PTPRD: variants seen among roughly 807,000 people sequenced by gnomAD.
PTPRD encodes protein tyrosine phosphatase receptor type D, also known as receptor-type tyrosine-protein phosphatase delta.
PTPRD carries 34 observed loss-of-function variants against 214.5 expected under a neutral mutation model. The ratio of observed to expected loss-of-function variants is 0.16; its 90% CI spans 0.12 to 0.21. PTPRD has a LOEUF of 0.21. Among genes scored for constraint, PTPRD ranks in the 10% least tolerant of loss-of-function variants. The probability of loss-of-function intolerance (pLI) is 1.00; values close to 1 mark genes in which losing one functional copy is unlikely to be tolerated. For synonymous variants in PTPRD, 1,128 were observed against 845.7 expected, an observed-to-expected ratio of 1.33 and a Z score of -5.79; for missense variants, 2,545 against 2,398.7, an observed-to-expected ratio of 1.06 and a Z score of -1.27.
intron 3 of PTPRD, among the ~76,000 whole-genome samples, chr9:10,054,327 A>T (rs1298016825): frequency 6.6e-6 from 1 of 152,202 alleles, no homozygotes; most frequent in Non-Finnish European, 1.5e-5. Context: ...TGCGTCTCTC[A>T]TTCATGAGGA....
intron 7 of PTPRD, among the ~76,000 whole-genome samples, chr9:9,723,337 C>T (rs1247107957): frequency 1.3e-5 from 2 of 152,064 alleles, no homozygotes; most frequent in Non-Finnish European, 2.9e-5. Flanking sequence ...AAACTTATGG[C>T]TTTATTTCTG....
Position 10,457,035 on chromosome 9 carries a change from T to A in PTPRD, c.-599-116018A>T, listed in dbSNP as rs370932060. ...TCCAATTTCTTGAGACTCTGTTAAA[T>A]GTCAGAAAAAATATTGTATATTATA... is the stretch of plus-strand genomic sequence containing the variant. On this transcript the variant is annotated intron_variant, in intron 2 of 45. Transcript: ENST00000381196. 4.4e-4 allele frequency among the ~76,000 whole-genome samples: 67 copies of A among 152,040 alleles called. No homozygotes were observed. The East Asian group carries it at 0.011, about 25-fold the overall frequency.
At chr9:9,565,728 T>C (rs2084313332) in intron 8 of PTPRD, among the ~76,000 whole-genome samples, 1 of 152,006 alleles carries the variant, frequency 6.6e-6, no homozygotes, top group Non-Finnish European at 1.5e-5. Context: ...TATTATTCAT[T>C]TTTTGTGCAT....
chr9:10,271,534 C>CTTTT lies in PTPRD; in HGVS notation c.-545+69425_-545+69428dup, dbSNP rs1251429330. On this transcript the variant is annotated intron_variant, in intron 3 of 45. Transcript: ENST00000381196. ...CCAATACTGATAAATTCAATTGTTT[C>CTTTT]TTTTCTTTTCTTTTCTTTTTTTTTT... 1.5e-4 allele frequency among the ~76,000 whole-genome samples: 13 copies of CTTTT among 86,570 alleles called. 1 individual carries two copies. Among genetic ancestry groups the CTTTT allele is most frequent in the African/African-American group, 2.8e-4 (9 of 32,436 alleles). The allele number at this position is 86,570 out of a possible 152,430, so 56.8% of individuals were successfully genotyped here. A position where few individuals can be genotyped will look rare whatever the true frequency, so the allele number is the denominator to read the frequency against.
At chr9:9,907,901 G>A (rs149923058) in intron 5 of PTPRD, among the ~76,000 whole-genome samples, 2,371 of 152,026 alleles carry the variant, frequency 0.016, 27 homozygotes, top group Non-Finnish European at 0.026. Context: ...TTACTATGAA[G>A]CTTAATGGAA....
rs1468088714 is a variant in PTPRD, at chr9:10,305,946, T to G, written c.-545+35017A>C. On this transcript the variant is annotated intron_variant, in intron 3 of 45. Transcript: ENST00000381196. ...GGTATATACCCAAAGGATTATAAATTATTCTACTATAAAGACATATACACA... is the reference window on the plus strand; with the variant it reads ...GGTATATACCCAAAGGATTATAAATGATTCTACTATAAAGACATATACACA... 3.3e-5 allele frequency among the ~76,000 whole-genome samples: 5 copies of G among 152,044 alleles called. No individual in the cohort carries two copies. The South Asian group carries it at 6.2e-4, about 19-fold the overall frequency.
chr9:8,369,578 G>C (rs763263729), intron 39 of PTPRD, among the ~76,000 whole-genome samples: 2 of 151,354 alleles, frequency 1.3e-5, no homozygotes, highest in Non-Finnish European at 3.0e-5. Flanking sequence ...CTATGATTGT[G>C]ATAGATTTAA....
intron 11 of PTPRD, among the ~76,000 whole-genome samples, chr9:8,815,186 G>C (rs10815956): frequency 6.6e-6 from 1 of 151,686 alleles, no homozygotes; most frequent in Non-Finnish European, 1.5e-5. Flanking sequence ...AAGATATAGA[G>C]TAGAAGCAGG....
intron 10 of PTPRD, among the ~76,000 whole-genome samples, chr9:9,089,561 C>G (rs984308948): frequency 6.6e-6 from 1 of 152,172 alleles, no homozygotes. Context: ...CAAGGGCCTA[C>G]AAATTGATTC....
intron 10 of PTPRD, among the ~76,000 whole-genome samples, chr9:9,048,997 TA>T (rs1169950112): frequency 1.3e-5 from 2 of 152,060 alleles, no homozygotes; most frequent in East Asian, 3.9e-4. Context: ...TATACAAAAA[TA>T]AAAATAAATA....
intron 9 of PTPRD, among the ~76,000 whole-genome samples, chr9:9,351,730 T>C (rs2051235437): frequency 6.6e-6 from 1 of 152,062 alleles, no homozygotes; most frequent in Admixed American, 6.6e-5. Context: ...TATTCTCTAG[T>C]GTATGTCTGT....
At position 10,497,920 on chromosome 9, in the gene PTPRD, T is replaced by C. The variant is rs941643773; in HGVS notation, c.-600+114478A>G. 1.1e-4 allele frequency among the ~76,000 whole-genome samples: 16 copies of C among 152,176 alleles called. 1 individual carries two copies. Among genetic ancestry groups the C allele is most frequent in the Non-Finnish European group, 1.8e-4 (12 of 67,948 alleles). ...GTGATAGGAGAACTTTTATGTACCA[T>C]ACACTGGATTGCTTATCTAGTCTGT... On this transcript the variant is annotated intron_variant, in intron 2 of 45. Coordinates refer to ENST00000381196, the MANE Select transcript of PTPRD (RefSeq NM_002839.4).
chr9:9,223,891 T>C (rs1337957183), intron 9 of PTPRD, among the ~76,000 whole-genome samples: 1 of 152,056 alleles, frequency 6.6e-6, no homozygotes, highest in African/African-American at 2.4e-5. Flanking sequence ...TCCTTTTTCC[T>C]ATACACCTGG....
intron 3 of PTPRD, among the ~76,000 whole-genome samples, chr9:10,281,121 T>C (rs978412093): frequency 2.0e-5 from 3 of 151,998 alleles, no homozygotes; most frequent in Admixed American, 6.6e-5. Flanking sequence ...AACAGCAATC[T>C]CTCCTTACAC....
At chr9:10,556,083 C>G (rs2062518335) in intron 2 of PTPRD, among the ~76,000 whole-genome samples, 1 of 151,998 alleles carries the variant, frequency 6.6e-6, no homozygotes, top group Non-Finnish European at 1.5e-5. Flanking sequence ...GTTTTTTATA[C>G]TTCTGAGGCC....
intron 4 of PTPRD, among the ~76,000 whole-genome samples, chr9:9,952,057 G>C (rs557591708): frequency 1.4e-4 from 22 of 152,220 alleles, no homozygotes; most frequent in African/African-American, 4.8e-4. Flanking sequence ...TATTGAGGAG[G>C]GACAGAGGCT....
In PTPRD at chr9:10,131,771, C is replaced by G. The variant is rs142464725; in HGVS notation, c.-544-97981G>C. Among the ~76,000 whole-genome samples, 204 of 152,172 alleles carry G rather than the reference C, an allele frequency of 1.3e-3. 3 individuals are homozygous for G. In the East Asian group the frequency reaches 0.037, roughly 28 times the overall value. ...AAGTCATGGAAGATGTACTACTTCACAATTTTCTAAAGCTACCTTTAGGAT... is the reference window on the plus strand; with the variant it reads ...AAGTCATGGAAGATGTACTACTTCAGAATTTTCTAAAGCTACCTTTAGGAT... On this transcript the variant is annotated intron_variant, in intron 3 of 45. Transcript: ENST00000381196.
In PTPRD at chr9:9,188,862, G is replaced by C. The variant is rs2099933330; in HGVS notation, c.-202-5499C>G. ...TGTGTGTTGTGTGCATGCATGTCTT[G>C]GAATCTTTTTACAAGCAAATAAACA... is the stretch of plus-strand genomic sequence containing the variant. On this transcript the variant is annotated intron_variant, in intron 9 of 45. Coordinates refer to ENST00000381196, the MANE Select transcript of PTPRD (RefSeq NM_002839.4). Among the ~76,000 whole-genome samples the C allele has an allele frequency of 2.7e-5, 4 of 150,514 alleles. No homozygotes were observed. In the South Asian group the frequency reaches 8.4e-4, roughly 32 times the overall value.
chr9:8,403,749 GAC>G (rs2092691112), intron 36 of PTPRD, among the ~76,000 whole-genome samples: 1 of 152,156 alleles, frequency 6.6e-6, no homozygotes, highest in African/African-American at 2.4e-5. Flanking sequence ...AGATAAATTA[GAC>G]ATTTCCAACA....
Sources: gnomAD v4.1 joint callset for allele counts (sites outside exome capture counted in the v4.1 genomes callset) on GRCh38, gnomAD v4.1.1 for gene constraint, MANE v1.5 for transcripts, NCBI Gene and HGNC (gene_info 2026-07-23, HGNC 2026-07-21) for gene names.